The following HAUS8 variants were observed in gnomAD, a reference collection of about 807,000 sequenced individuals.
The protein encoded by HAUS8 is HAUS augmin-like complex subunit 8.
HAUS8 carries 38 observed loss-of-function variants against 42.9 expected under a neutral mutation model. The ratio of observed to expected loss-of-function variants is 0.89; its 90% confidence interval spans 0.68 to 1.16. The LOEUF (loss-of-function observed/expected upper bound fraction) is 1.16, where lower values mean the gene tolerates loss of function less well. HAUS8 is among the 50% of genes most tolerant of loss of function. HAUS8 has a pLI of 0.00. For synonymous variants in HAUS8, 199 were observed against 205.8 expected (o/e 0.97, Z 0.28); for missense variants, 494 against 511.6 (o/e 0.97, Z 0.33).
intron 2 of HAUS8, 37 bp downstream of exon 2, chr19:17,073,237 A>C: frequency 1.3e-6 from 2 of 1,577,904 alleles, no homozygotes; most frequent in Non-Finnish European, 1.7e-6. Context: ...TGAAAGAAGA[A>C]AACCATGTTC....
At chr19:17,055,114 GAAAAAAAAAAAAA>G (rs1175327637) in intron 9 of HAUS8, 30 of 4,716 alleles carry the variant, frequency 6.4e-3, no homozygotes, top group African/African-American at 0.019. Flanking sequence ...CGTCTCTACA[GAAAAAAAAAAAAA>G]AAAAAAAAAA....
At chr19:17,070,837 A>C (rs1403984562) in intron 2 of HAUS8, among the ~76,000 whole-genome samples, 1 of 152,228 alleles carries the variant, frequency 6.6e-6, no homozygotes, top group Non-Finnish European at 1.5e-5. Context: ...TGGGAGGCCA[A>C]GGCAGGCGGA....
intron 10 of HAUS8, chr19:17,052,603 C>T (rs997139848): frequency 3.5e-5 from 16 of 457,932 alleles, no homozygotes; most frequent in Admixed American, 2.7e-4. Flanking sequence ...GAAGGCAAGG[C>T]GGGTGCTTTT....
At chr19:17,063,198 A>G (rs1417878412) in intron 3 of HAUS8, among the ~76,000 whole-genome samples, 1 of 152,202 alleles carries the variant, frequency 6.6e-6, no homozygotes, top group Non-Finnish European at 1.5e-5. Context: ...CAAAACAAAA[A>G]TCTTATAAAG....
At chr19:17,062,383 CCTCT>C (rs1473407499) in intron 4 of HAUS8, among the ~76,000 whole-genome samples, 2 of 152,160 alleles carry the variant, frequency 1.3e-5, no homozygotes, top group Non-Finnish European at 2.9e-5. Flanking sequence ...GTCCTCACAG[CCTCT>C]CTAAGAGTCT....
intron 2 of HAUS8, among the ~76,000 whole-genome samples, chr19:17,071,324 C>G (rs544128900): frequency 6.6e-6 from 1 of 152,136 alleles, no homozygotes; most frequent in East Asian, 1.9e-4. Context: ...GCCAAAGGGC[C>G]GGGCTGTCAA....
intron 9 of HAUS8, among the ~76,000 whole-genome samples, chr19:17,055,332 G>A (rs1414186895): frequency 1.3e-5 from 1 of 74,734 alleles, no homozygotes; most frequent in African/African-American, 6.7e-5. Context: ...ACAGCAAGAT[G>A]CTGTCTCAAA....
chr19:17,064,046 G>A (rs941807126), intron 3 of HAUS8, among the ~76,000 whole-genome samples: 6 of 152,154 alleles, frequency 3.9e-5, no homozygotes, highest in Non-Finnish European at 8.8e-5. Context: ...TACAGCAGGG[G>A]TGCAGGACAC....
rs115263701 is a variant in HAUS8, at chr19:17,067,606, C to A, written c.147+1425G>T. ...TAAAGGGCTAAAATGTTACAGCACG[C>A]AGACACACGGGGGCGCTGTAACCAA... On this transcript the variant is annotated intron_variant, in intron 3 of 10. Transcript: ENST00000253669. Among the ~76,000 whole-genome samples the A allele has an allele frequency of 3.0e-3, 463 of 152,246 alleles. 3 individuals carry two copies. The highest frequency in any genetic ancestry group is 0.01 in the African/African-American group (435 of 41,534).
At chr19:17,060,199 C>A in intron 4 of HAUS8, 107 bp from the exon 5 acceptor site, 1 of 554,268 alleles carries the variant, frequency 1.8e-6, no homozygotes, top group African/African-American at 2.0e-5. Flanking sequence ...CTTCTAAAAG[C>A]CCAATTTCGT....
chr19:17,069,723 C>T (rs1018449143), intron 2 of HAUS8, among the ~76,000 whole-genome samples: 1 of 152,018 alleles, frequency 6.6e-6, no homozygotes, highest in Non-Finnish European at 1.5e-5. Flanking sequence ...CGGTTAGTCC[C>T]ATTCTGTCCC....
In HAUS8 at chr19:17,049,983, AGGCACCCGGGTT is replaced by A; in HGVS notation, c.1111_1122del (p.Asn371_Ala374del). 1 of 1,601,188 alleles carries A rather than the reference AGGCACCCGGGTT, an allele frequency of 6.2e-7. No individual in the cohort carries two copies. The highest frequency in any genetic ancestry group is 8.5e-7 in the Non-Finnish European group (1 of 1,174,246). On this transcript the variant is annotated inframe_deletion, in exon 11 of 11. Transcript: ENST00000253669. ...AACGTGGCCTGAGCGGGGGCTGACG[AGGCACCCGGGTT>A]GTCGTCCTCAGACAGGGGCGTGTTC...
At chr19:17,066,884 C>G (rs1207829964) in intron 3 of HAUS8, among the ~76,000 whole-genome samples, 1 of 152,192 alleles carries the variant, frequency 6.6e-6, no homozygotes, top group Admixed American at 6.5e-5. Context: ...CGTGGTCCAT[C>G]CACTTGATGG....
At chr19:17,071,910 T>C (rs974938828) in intron 2 of HAUS8, among the ~76,000 whole-genome samples, 14 of 152,160 alleles carry the variant, frequency 9.2e-5, no homozygotes, top group African/African-American at 3.4e-4. Context: ...CGCTTGAACC[T>C]GGGAGGCGGG....
At chr19:17,070,941 G>A (rs1480690417) in intron 2 of HAUS8, among the ~76,000 whole-genome samples, 1 of 152,130 alleles carries the variant, frequency 6.6e-6, no homozygotes, top group African/African-American at 2.4e-5. Flanking sequence ...GTGGTGGCAT[G>A]TGCCTGTAAT....
At chr19:17,075,252 T>A (rs1246980818) in intron 1 of HAUS8, 142 bp downstream of exon 1, 1 of 875,648 alleles carries the variant, frequency 1.1e-6, no homozygotes, top group Admixed American at 1.9e-5. Context: ...CAGCACGCCA[T>A]CGGGGTCTTC....
rs1222726793 is a variant in HAUS8 at position 17,075,445 on chromosome 19, C to A, written c.-23G>T. The stretch of plus-strand genomic sequence containing the variant: ...CATTTTCCCGCCTTCCACCTCAAGG[C>A]CCGACCCGCCGGCTTTTCAAAGCCG... On this transcript the variant is annotated 5_prime_UTR_variant, in exon 1 of 11. Coordinates refer to ENST00000253669, the MANE Select transcript of HAUS8 (RefSeq NM_033417.2). The A allele has an allele frequency of 6.2e-7, 1 of 1,613,150 alleles. No individual in the cohort carries two copies. The highest frequency in any genetic ancestry group is 1.3e-5 in the African/African-American group (1 of 74,942).
chr19:17,053,123 T>C, intron 9 of HAUS8, 157 bp from the exon 10 acceptor site: 1 of 757,934 alleles, frequency 1.3e-6, no homozygotes, highest in Non-Finnish European at 2.1e-6. Flanking sequence ...AGGAAGACAT[T>C]CGTCCCTTAT....
chr19:17,058,234 C>G (rs999373366), intron 8 of HAUS8, among the ~76,000 whole-genome samples: 1 of 152,220 alleles, frequency 6.6e-6, no homozygotes, highest in Non-Finnish European at 1.5e-5. Context: ...TCACCAGTAC[C>G]CTGACCCTGC....
Sources: gnomAD v4.1 joint callset for allele counts (sites outside exome capture counted in the v4.1 genomes callset) on GRCh38, gnomAD v4.1.1 for gene constraint, MANE v1.5 for transcripts, NCBI Gene and HGNC (gene_info 2026-07-23, HGNC 2026-07-21) for gene names.